The following SESN2 variants were observed in gnomAD, a reference collection of about 807,000 sequenced individuals.
SESN2 encodes sestrin 2, also known as sestrin-2.
Under a neutral mutation model 56.0 loss-of-function variants are expected in SESN2, and 42 were observed. The ratio of observed to expected loss-of-function variants is 0.75; its 90% CI spans 0.59 to 0.97. The LOEUF is 0.97. Ranked by LOEUF, SESN2 falls within the 50% of genes least tolerant of loss-of-function variation. The pLI is 0.00. For missense variants in SESN2, 507 were observed against 649.4 expected, an observed-to-expected ratio of 0.78 and a Z score of 2.38; for synonymous variants, 264 against 267.1, an observed-to-expected ratio of 0.99 and a Z score of 0.11.
chr1:28,272,809 G>A lies in SESN2; in HGVS notation c.750+16G>A, dbSNP rs1056840952. On this transcript the variant is annotated intron_variant, in intron 5 of 9. Transcript: ENST00000253063. The stretch of plus-strand genomic sequence containing the variant: ...CAACTCTGGGGTAAGTCACGGGCCT[G>A]GGTCTTGATCGGGGAGGAAGCGGGC... 4 of 1,519,116 alleles carry A rather than the reference G, an allele frequency of 2.6e-6. No homozygotes were observed. Among genetic ancestry groups the A allele is most frequent in the Non-Finnish European group, 2.7e-6 (3 of 1,110,836 alleles). The allele number at this position is 1,519,116 out of a possible 1,614,324, so 94.1% of individuals were successfully genotyped here.
At chr1:28,273,239 A>T in intron 5 of SESN2, 119 bp from the exon 6 acceptor site, 1 of 963,794 alleles carries the variant, frequency 1.0e-6, no homozygotes, top group Non-Finnish European at 1.5e-6. Context: ...TGGCTGGCAC[A>T]GAGGATGCCC....
intron 7 of SESN2, among the ~76,000 whole-genome samples, chr1:28,274,515 C>G (rs1647950158): frequency 6.6e-6 from 1 of 150,462 alleles, no homozygotes. Flanking sequence ...TGGGTGACAG[C>G]AAGATCCTGT....
chr1:28,266,623 G>A lies in SESN2; in HGVS notation c.91-2560G>A, dbSNP rs146922396. On this transcript the variant is annotated intron_variant, in intron 1 of 9. Transcript: ENST00000253063. ...TGCTCAGGCTGGAATGCCGTGGTGCGATCATAGCTTGCTGTAACCTCAAAC... is the reference window on the plus strand; with the variant it reads ...TGCTCAGGCTGGAATGCCGTGGTGCAATCATAGCTTGCTGTAACCTCAAAC... Among the ~76,000 whole-genome samples the A allele has an allele frequency of 4.2e-4, 63 of 148,478 alleles. No individual in the cohort carries two copies. In the East Asian group the frequency reaches 0.01, roughly 25 times the overall value.
chr1:28,274,223 T>TTTGAGTAG, intron 7 of SESN2, 65 bp downstream of exon 7: 1 of 1,065,252 alleles, frequency 9.4e-7, no homozygotes, highest in Non-Finnish European at 1.5e-6. Context: ...GGGTGGATAG[T>TTTGAGTAG]TTGAGTAGTT....
chr1:28,259,828 A>G lies in SESN2; in HGVS notation c.-20A>G. 1 of 1,366,714 alleles carries G rather than the reference A, an allele frequency of 7.3e-7. No individual in the cohort carries two copies. Among genetic ancestry groups the G allele is most frequent in the Non-Finnish European group, 9.4e-7 (1 of 1,059,914 alleles). The allele number at this position is 1,366,714 out of a possible 1,614,324, so 84.7% of individuals were successfully genotyped here. A position where few individuals can be genotyped will look rare whatever the true frequency, so the allele number is the denominator to read the frequency against. On this transcript the variant is annotated 5_prime_UTR_variant, in exon 1 of 10. Transcript: ENST00000253063. ...GTGCACGGGTCGTCGGCGAGCCGCGACCGGGTCCTGGCGCGCACCATGATC... is the reference window on the plus strand; with the variant it reads ...GTGCACGGGTCGTCGGCGAGCCGCGGCCGGGTCCTGGCGCGCACCATGATC...
chr1:28,274,146 C>T lies in SESN2; in HGVS notation c.1008C>T (p.Thr336=). 1 of 1,609,846 alleles carries T rather than the reference C, an allele frequency of 6.2e-7. No homozygotes were observed. The highest frequency in any genetic ancestry group is 8.5e-7 in the Non-Finnish European group (1 of 1,176,084). Residue 336 remains threonine, a synonymous_variant, in exon 7 of 10, where the codon ACC becomes ACT. Coordinates refer to ENST00000253063, the MANE Select transcript of SESN2 (RefSeq NM_031459.5). ...FTRRGAQAPP[T]FRAQDYTWED... The stretch of plus-strand genomic sequence containing the variant: ...GGAGAGGGGCTCAGGCACCCCCTAC[C>T]TTCCGGGCCCAGGTAGGGCTCTCTC...
In SESN2 at chr1:28,260,292, G is replaced by A. The variant is rs898294077; in HGVS notation, c.90+355G>A. ...GCTTTGGGCTCCTGAGCGTCTTCAA[G>A]TCCAGGCAAATCCCGGCCGGAGCGG... is the stretch of plus-strand genomic sequence containing the variant. On this transcript the variant is annotated intron_variant, in intron 1 of 9. Coordinates refer to ENST00000253063, the MANE Select transcript of SESN2 (RefSeq NM_031459.5). 2.6e-5 allele frequency among the ~76,000 whole-genome samples: 4 copies of A among 152,208 alleles called. No homozygotes were observed. In the East Asian group the frequency reaches 7.8e-4, roughly 29 times the overall value.
intron 1 of SESN2, among the ~76,000 whole-genome samples, chr1:28,268,282 T>C (rs1191959976): frequency 1.3e-5 from 2 of 151,936 alleles, no homozygotes; most frequent in Admixed American, 6.6e-5. Flanking sequence ...GCATGGTGAC[T>C]CCCATCTGTA....
chr1:28,261,841 C>CACGATCTCAGCTCACTGCA (rs1173357847), intron 1 of SESN2, among the ~76,000 whole-genome samples: 7 of 145,868 alleles, frequency 4.8e-5, no homozygotes, highest in African/African-American at 1.8e-4. Context: ...AGTGCAGTGG[C>CACGATCTCAGCTCACTGCA]ACGATCTCAG....
Position 28,282,097 on chromosome 1 carries a change from AG to A in SESN2, c.*1296del, listed in dbSNP as rs1648267585. 6.6e-6 allele frequency: 1 copy of A among 152,262 alleles called. No individual in the cohort carries two copies. The highest frequency in any genetic ancestry group is 1.5e-5 in the Non-Finnish European group (1 of 68,102). 9.4% of individuals were successfully genotyped at this position (152,262 alleles called of 1,614,324 possible). Reference sequence around the variant, plus strand: ...AGGACCGATTCCAGGCACTTTCTGTAGCAAATGACTGTGAATTACGACTTCT... The same window carrying A: ...AGGACCGATTCCAGGCACTTTCTGTACAAATGACTGTGAATTACGACTTCT... On this transcript the variant is annotated 3_prime_UTR_variant, in exon 10 of 10. Coordinates refer to ENST00000253063, the MANE Select transcript of SESN2 (RefSeq NM_031459.5).
At chr1:28,265,498 A>G (rs1647525297) in intron 1 of SESN2, among the ~76,000 whole-genome samples, 1 of 151,974 alleles carries the variant, frequency 6.6e-6, no homozygotes, top group Admixed American at 6.6e-5. Flanking sequence ...GGTTCAAGCA[A>G]TTCTCCTGCC....
chr1:28,274,252 C>A (rs1647940386), intron 7 of SESN2, 94 bp downstream of exon 7: 10 of 849,444 alleles, frequency 1.2e-5, no homozygotes, highest in Non-Finnish European at 1.6e-5. Flanking sequence ...AGGTACCCAG[C>A]TGGGCATGGT....
intron 1 of SESN2, among the ~76,000 whole-genome samples, chr1:28,268,534 G>A (rs1647635693): frequency 6.6e-6 from 1 of 151,910 alleles, no homozygotes; most frequent in African/African-American, 2.4e-5. Context: ...GCGTGGTTGT[G>A]CATGCCTGTA....
At chr1:28,271,509 T>C (rs487437) in intron 2 of SESN2, among the ~76,000 whole-genome samples, 165 bp from the exon 3 acceptor site, 63,685 of 152,076 alleles carry the variant, frequency 0.42, 15,016 homozygotes, top group African/African-American at 0.64. Flanking sequence ...AATAAGTATT[T>C]ATTGAATCAC....
chr1:28,272,386 C>A lies in SESN2; in HGVS notation c.457C>A (p.Pro153Thr), dbSNP rs759612080. The A allele has an allele frequency of 1.2e-6, 2 of 1,613,582 alleles. No individual in the cohort carries two copies. The highest frequency in any genetic ancestry group is 8.5e-7 in the Non-Finnish European group (1 of 1,179,996). Residue 153 changes from proline (P) to threonine (T), a missense_variant, in exon 4 of 10, where the codon CCC (proline) becomes ACC (threonine). Physicochemically the swap from Pro to Thr is conservative, Grantham distance 38 (BLOSUM62 -1). Transcript: ENST00000253063. ...PEWLLGLHRA[P>T]EKLRKLSEIN... ...GTGGCTGCTGGGCCTCCACCGGGCC[C>A]CCGAGAAGCTGCGCAAACTCAGCGA...
At position 28,273,450 on chromosome 1, in the gene SESN2, G is replaced by A. The variant is rs61750960; in HGVS notation, c.843G>A (p.Glu281=). 2.1e-3 allele frequency: 3,420 copies of A among 1,611,828 alleles called. 66 individuals are homozygous for A. The African/African-American group carries it at 0.04, about 19-fold the overall frequency. The change falls in exon 6 of 10, where the codon GAG becomes GAA. Residue 281 remains glutamate (E), a synonymous_variant. Coordinates refer to ENST00000253063, the MANE Select transcript of SESN2 (RefSeq NM_031459.5). The part of the protein sequence containing the change: ...SLLRDEGTSQ[E]EMESRFELEK... ...TGCGGGATGAGGGGACGTCCCAGGA[G>A]GAGATGGAGAGCCGCTTTGAGCTGG...
At position 28,259,646 on chromosome 1, in the gene SESN2, T is replaced by TTCCCC. The variant is rs1572088239; in HGVS notation, c.-198_-197insCTCCC. The TTCCCC allele has an allele frequency of 2.3e-6, 1 of 442,770 alleles. No individual in the cohort carries two copies. The highest frequency in any genetic ancestry group is 3.6e-5 in the East Asian group (1 of 27,834). 27.4% of individuals were successfully genotyped at this position (442,770 alleles called of 1,614,324 possible). A position where few individuals can be genotyped will look rare whatever the true frequency, so the allele number is the denominator to read the frequency against. ...CCCAGGCCCCCGAGGCCGTTCGCCG[T>TTCCCC]TCCCGAAGCCCGACTGGGGGAAGAG... On this transcript the variant is annotated 5_prime_UTR_variant, in exon 1 of 10. Coordinates refer to ENST00000253063, the MANE Select transcript of SESN2 (RefSeq NM_031459.5).
chr1:28,272,823 G>A, intron 5 of SESN2, 30 bp downstream of exon 5: 12 of 1,343,584 alleles, frequency 8.9e-6, no homozygotes, highest in Non-Finnish European at 1.2e-5. Flanking sequence ...CTTGATCGGG[G>A]AGGAAGCGGG....
chr1:28,273,626 G>C, intron 6 of SESN2, 118 bp downstream of exon 6: 1 of 1,039,194 alleles, frequency 9.6e-7, no homozygotes, highest in Non-Finnish European at 1.4e-6. Flanking sequence ...CGTCCAAGAG[G>C]TTCTGAGCAT....
Sources: gnomAD v4.1 joint callset for allele counts (sites outside exome capture counted in the v4.1 genomes callset) on GRCh38, gnomAD v4.1.1 for gene constraint, MANE v1.5 for transcripts, NCBI Gene and HGNC (gene_info 2026-07-23, HGNC 2026-07-21) for gene names.